GSAP: variants seen among roughly 807,000 people sequenced by gnomAD.
GSAP encodes the protein gamma-secretase-activating protein.
In GSAP, 118 loss-of-function variants were observed where a neutral mutation model predicts 131.7. That is an observed-to-expected ratio of 0.90 (90% confidence interval 0.77 to 1.04). The LOEUF (loss-of-function observed/expected upper bound fraction) is 1.04, where lower values mean the gene tolerates loss of function less well. Among genes scored for constraint, GSAP ranks in the 50% least tolerant of loss-of-function variants. The pLI is 0.00. For synonymous variants in GSAP, 381 were observed against 363.4 expected (o/e 1.05, Z -0.55); for missense variants, 1,019 against 1,013.2 (o/e 1.01, Z -0.08).
At chr7:77,372,926 G>A (rs746733123) in intron 12 of GSAP, among the ~76,000 whole-genome samples, 2 of 152,136 alleles carry the variant, frequency 1.3e-5, no homozygotes, top group Non-Finnish European at 2.9e-5. Flanking sequence ...GAAATACCAC[G>A]TCCTTGAGCT....
rs183423893 is a variant in GSAP at position 77,406,091 on chromosome 7, C to T, written c.124G>A (p.Asp42Asn). Residue 42 changes from aspartate to asparagine, a missense_variant, in exon 2 of 31, where the codon GAT (aspartate) becomes AAT (asparagine). Physicochemically the swap from Asp to Asn is conservative, Grantham distance 23 (BLOSUM62 1). Transcript: ENST00000257626. ...GSGGADVLEN[D>N]YESLHVLNVE... ...TTTAATACATGTAAGCTCTCATAATCGTTTTCTAAAACATCTGAAATGATA... is the reference window on the plus strand; with the variant it reads ...TTTAATACATGTAAGCTCTCATAATTGTTTTCTAAAACATCTGAAATGATA... The T allele has an allele frequency of 3.4e-5, 42 of 1,230,704 alleles. No individual in the cohort carries two copies. The highest frequency in any genetic ancestry group is 1.4e-4 in the South Asian group (9 of 65,750). 76.2% of individuals were successfully genotyped at this position (1,230,704 alleles called of 1,614,324 possible).
chr7:77,413,202 G>T (rs891101501), intron 1 of GSAP, among the ~76,000 whole-genome samples: 1 of 152,240 alleles, frequency 6.6e-6, no homozygotes, highest in African/African-American at 2.4e-5. Context: ...GAGAAGTCCA[G>T]TAGCAACGCA....
chr7:77,374,646 GA>G (rs76611576), intron 11 of GSAP, among the ~76,000 whole-genome samples: 4,235 of 130,128 alleles, frequency 0.033, 186 homozygotes, highest in African/African-American at 0.11. Context: ...AAGGAAAACA[GA>G]AAAAAAAAAA....
intron 1 of GSAP, chr7:77,415,585 G>A (rs1430857937): frequency 6.6e-6 from 1 of 152,022 alleles, no homozygotes; most frequent in East Asian, 1.9e-4. Flanking sequence ...CAGGTGCGGA[G>A]CTCGGGGGCG....
chr7:77,381,359 A>C lies in GSAP; in HGVS notation c.527-5T>G. 1 of 1,462,672 alleles carries C rather than the reference A, an allele frequency of 6.8e-7. No homozygotes were observed. The allele number at this position is 1,462,672 out of a possible 1,614,324, so 90.6% of individuals were successfully genotyped here. ...GGATACGAAATTGTTCAATATCTTT[A>C]AAAGAAAAACAAAGAAAGATAATTT... is the stretch of plus-strand genomic sequence containing the variant. On this transcript the variant is annotated splice_region_variant and splice_polypyrimidine_tract_variant and intron_variant, in intron 7 of 30. Transcript: ENST00000257626.
At chr7:77,379,445 G>T (rs911654604) in intron 8 of GSAP, among the ~76,000 whole-genome samples, 6 of 151,754 alleles carry the variant, frequency 4.0e-5, no homozygotes, top group Admixed American at 3.9e-4. Context: ...AAGAATGAAG[G>T]CAGAAGTACT....
intron 28 of GSAP, among the ~76,000 whole-genome samples, chr7:77,312,524 G>C (rs1265360337): frequency 1.3e-5 from 2 of 152,160 alleles, no homozygotes; most frequent in Admixed American, 6.5e-5. Context: ...GGAAACTAAG[G>C]GGGGTACGCA....
Position 77,311,921 on chromosome 7 carries a change from T to C in GSAP, c.2393A>G (p.Asn798Ser). Residue 798 changes from asparagine (N) to serine (S), a missense_variant, in exon 30 of 31, where the codon AAC (asparagine) becomes AGC (serine). By Grantham distance (46) the Asn-to-Ser change is conservative (BLOSUM62 1). Transcript: ENST00000257626. ...YKKQPRNSMI[N>S]KSSFSVEFLP... is the part of the protein sequence containing the mutation. ...AAATTCTACACTGAACGATGACTTG[T>C]TAATCATAGAATTCCGAGGCTAAAA... is the stretch of plus-strand genomic sequence containing the variant. The C allele has an allele frequency of 6.3e-7, 1 of 1,596,012 alleles. No individual in the cohort carries two copies.
chr7:77,365,594 C>T lies in GSAP; in HGVS notation c.872-2934G>A, dbSNP rs111331728. Among the ~76,000 whole-genome samples the T allele has an allele frequency of 3.9e-5, 6 of 152,256 alleles. No homozygotes were observed. In the South Asian group the frequency reaches 8.3e-4, roughly 21 times the overall value. On this transcript the variant is annotated intron_variant, in intron 12 of 30. Transcript: ENST00000257626. ...TTTTTTATAGCTGCACAGTATTCCA[C>T]GGTATGTATGTACCACATTTTCTTT... is the stretch of plus-strand genomic sequence containing the variant.
At chr7:77,415,953 C>T in intron 1 of GSAP, 1 of 380,252 alleles carries the variant, frequency 2.6e-6, no homozygotes, top group Non-Finnish European at 4.7e-6. Flanking sequence ...CTGCCAAGGG[C>T]GAATTTCCGC....
At chr7:77,377,807 G>A (rs1797180637) in intron 8 of GSAP, among the ~76,000 whole-genome samples, 1 of 152,196 alleles carries the variant, frequency 6.6e-6, no homozygotes, top group African/African-American at 2.4e-5. Flanking sequence ...GAAAAACTCA[G>A]GCCTGACAGT....
chr7:77,339,459 G>C (rs1220448284), intron 19 of GSAP, among the ~76,000 whole-genome samples: 7 of 152,146 alleles, frequency 4.6e-5, no homozygotes, highest in Non-Finnish European at 1.0e-4. Flanking sequence ...CTTCCTTGAT[G>C]GATCATGGCT....
At chr7:77,388,632 T>C (rs531423570) in intron 5 of GSAP, among the ~76,000 whole-genome samples, 1 of 152,374 alleles carries the variant, frequency 6.6e-6, no homozygotes, top group South Asian at 2.1e-4. Flanking sequence ...TCTAATATGA[T>C]CCAGTGTCTC....
chr7:77,378,774 G>A (rs78673190), intron 8 of GSAP, among the ~76,000 whole-genome samples: 109 of 152,226 alleles, frequency 7.2e-4, no homozygotes, highest in Middle Eastern at 3.4e-3. Flanking sequence ...AGCTGACCTC[G>A]AAATAATTTA....
intron 10 of GSAP, 131 bp downstream of exon 10, chr7:77,376,717 C>G (rs910984288): frequency 1.8e-5 from 10 of 545,498 alleles, no homozygotes; most frequent in Non-Finnish European, 2.9e-5. Context: ...GCAGAGCTTG[C>G]AGTGAGCCGA....
chr7:77,407,076 C>T (rs1802412036), intron 1 of GSAP, among the ~76,000 whole-genome samples: 1 of 152,148 alleles, frequency 6.6e-6, no homozygotes. Context: ...GGGCATTGAC[C>T]ACACACCAAG....
chr7:77,416,528 G>A, upstream of GSAP: 1 of 401,618 alleles, frequency 2.5e-6, no homozygotes, highest in East Asian at 3.9e-5. Flanking sequence ...GCCGGAGCCG[G>A]AGCCGGGCAC....
intron 1 of GSAP, among the ~76,000 whole-genome samples, chr7:77,415,075 A>AT (rs1804107958): frequency 6.6e-6 from 1 of 152,134 alleles, no homozygotes; most frequent in Admixed American, 6.5e-5. Context: ...GAAAAAAAGT[A>AT]AAGCCTTACT....
intron 19 of GSAP, among the ~76,000 whole-genome samples, chr7:77,338,479 G>A (rs1790371801): frequency 6.6e-6 from 1 of 152,184 alleles, no homozygotes; most frequent in Non-Finnish European, 1.5e-5. Context: ...GTCTGTTACA[G>A]CAGGTACACC....
Sources: gnomAD v4.1 joint callset for allele counts (sites outside exome capture counted in the v4.1 genomes callset) on GRCh38, gnomAD v4.1.1 for gene constraint, MANE v1.5 for transcripts, NCBI Gene and HGNC (gene_info 2026-07-23, HGNC 2026-07-21) for gene names.